WDR7: variants seen among roughly 807,000 people sequenced by gnomAD.
The protein encoded by WDR7 is WD repeat domain 7.
Under a neutral mutation model 169.4 loss-of-function variants are expected in WDR7, and 46 were observed. That is an observed-to-expected ratio of 0.27 (90% CI 0.21 to 0.35). The LOEUF is 0.35. Ranked by LOEUF, WDR7 falls within the 10% of genes least tolerant of loss-of-function variation. The pLI, the probability that WDR7 is intolerant of heterozygous loss-of-function variation, is 1.00. For synonymous variants in WDR7, 612 were observed against 666.8 expected, an observed-to-expected ratio of 0.92 and a Z score of 1.27; for missense variants, 1,534 against 1,859.3, an observed-to-expected ratio of 0.83 and a Z score of 3.22.
chr18:56,772,994 A>G (rs1259700255), intron 16 of WDR7, among the ~76,000 whole-genome samples: 1 of 152,200 alleles, frequency 6.6e-6, no homozygotes, highest in Non-Finnish European at 1.5e-5. Flanking sequence ...CCTGTATTCA[A>G]AATGAGCTTT....
intron 27 of WDR7, among the ~76,000 whole-genome samples, chr18:57,025,008 T>A (rs1031735401): frequency 5.3e-5 from 8 of 152,180 alleles, no homozygotes; most frequent in Non-Finnish European, 1.2e-4. Flanking sequence ...GCTCAGGTTA[T>A]AAGAGGAACC....
intron 19 of WDR7, among the ~76,000 whole-genome samples, chr18:56,804,943 G>A (rs145245920): frequency 1.3e-3 from 204 of 152,246 alleles, no homozygotes; most frequent in African/African-American, 4.6e-3. Context: ...GGCAGCAGAA[G>A]AGAAGTCTGT....
intron 21 of WDR7, among the ~76,000 whole-genome samples, chr18:56,903,419 T>G (rs1417059518): frequency 6.6e-6 from 1 of 151,950 alleles, no homozygotes; most frequent in African/African-American, 2.4e-5. Flanking sequence ...TATTATTTAT[T>G]TATTTATTTA....
In WDR7 at chr18:56,977,881, T is replaced by C. The variant is rs375304786; in HGVS notation, c.4164+15352T>C. Among the ~76,000 whole-genome samples, 28 of 152,314 alleles carry C rather than the reference T, an allele frequency of 1.8e-4. No individual in the cohort carries two copies. In the South Asian group the frequency reaches 5.6e-3, roughly 30 times the overall value. On this transcript the variant is annotated intron_variant, in intron 26 of 27. Coordinates refer to ENST00000254442, the MANE Select transcript of WDR7 (RefSeq NM_015285.3). Reference sequence around the variant, plus strand: ...AGTCTCTGGGTGAAAGTCCCAGCAATATGGCATTGTTACTGTGTTGCTGTA... The same window carrying C: ...AGTCTCTGGGTGAAAGTCCCAGCAACATGGCATTGTTACTGTGTTGCTGTA...
chr18:57,025,530 G>A (rs1014390505), intron 27 of WDR7, among the ~76,000 whole-genome samples: 8 of 152,192 alleles, frequency 5.3e-5, no homozygotes, highest in South Asian at 2.1e-4. Flanking sequence ...AACAGGAACC[G>A]AACTTTAACA....
intron 17 of WDR7, among the ~76,000 whole-genome samples, chr18:56,779,204 T>G (rs2044283003): frequency 6.6e-6 from 1 of 152,248 alleles, no homozygotes; most frequent in Non-Finnish European, 1.5e-5. Context: ...TATTTTTATT[T>G]CTTTTAAGAT....
chr18:56,982,903 G>T (rs188512617), intron 26 of WDR7, among the ~76,000 whole-genome samples: 240 of 152,288 alleles, frequency 1.6e-3, no homozygotes, highest in Non-Finnish European at 2.7e-3. Context: ...TAAAATCTAT[G>T]TCTGTCTTGG....
rs368931709 is a variant in WDR7, at chr18:56,747,694, G to T, written c.1990-8889G>T. ...GAGAGAGGCTTGACATTAGGAGGAC[G>T]GTGGGGAAGAACACCCCAGGCAAAG... On this transcript the variant is annotated intron_variant, in intron 14 of 27. Coordinates refer to ENST00000254442, the MANE Select transcript of WDR7 (RefSeq NM_015285.3). Among the ~76,000 whole-genome samples the T allele has an allele frequency of 2.0e-5, 3 of 152,160 alleles. No individual in the cohort carries two copies. The East Asian group carries it at 5.8e-4, about 29-fold the overall frequency.
intron 21 of WDR7, among the ~76,000 whole-genome samples, chr18:56,919,970 G>A (rs772576907): frequency 2.0e-5 from 3 of 151,962 alleles, no homozygotes; most frequent in Non-Finnish European, 4.4e-5. Flanking sequence ...ATTCCTTAGC[G>A]TGGCATATAA....
At position 56,858,457 on chromosome 18, in the gene WDR7, T is replaced by C. The variant is rs140905060; in HGVS notation, c.3305-21487T>C. ...CCCTATATTCTAAAACTATTTCACA[T>C]TCTTTTTTTTATTTTAAGATTTTTA... On this transcript the variant is annotated intron_variant, in intron 20 of 27. Coordinates refer to ENST00000254442, the MANE Select transcript of WDR7 (RefSeq NM_015285.3). Among the ~76,000 whole-genome samples, 1,439 of 152,230 alleles carry C rather than the reference T, an allele frequency of 9.5e-3. 31 individuals carry two copies. The highest frequency in any genetic ancestry group is 0.031 in the African/African-American group (1,282 of 41,516).
intron 25 of WDR7, among the ~76,000 whole-genome samples, chr18:56,959,283 C>A (rs748402780): frequency 5.3e-5 from 8 of 152,058 alleles, no homozygotes; most frequent in Non-Finnish European, 1.0e-4. Flanking sequence ...GGGCTGTGAA[C>A]AGAAGGGAGG....
chr18:56,882,350 C>G (rs1360761055), intron 21 of WDR7, among the ~76,000 whole-genome samples: 1 of 152,172 alleles, frequency 6.6e-6, no homozygotes, highest in African/African-American at 2.4e-5. Context: ...CTTTTTTGCT[C>G]AATAACTCCC....
At chr18:56,932,315 C>T (rs2046896960) in intron 22 of WDR7, among the ~76,000 whole-genome samples, 1 of 152,200 alleles carries the variant, frequency 6.6e-6, no homozygotes, top group Admixed American at 6.5e-5. Context: ...TTCCAGCTTC[C>T]ACTGAACTCA....
chr18:56,927,734 G>T (rs2046826974), intron 22 of WDR7, among the ~76,000 whole-genome samples: 1 of 152,048 alleles, frequency 6.6e-6, no homozygotes, highest in Non-Finnish European at 1.5e-5. Context: ...CAGATATTTT[G>T]CCAAATTTTA....
chr18:56,859,629 A>G (rs1027511459), intron 20 of WDR7, among the ~76,000 whole-genome samples: 2 of 152,170 alleles, frequency 1.3e-5, no homozygotes, highest in African/African-American at 2.4e-5. Flanking sequence ...CTTCCCACCC[A>G]TTTTGAATAA....
chr18:56,779,538 C>G lies in WDR7; in HGVS notation c.3055C>G (p.Arg1019Gly). 1.2e-6 allele frequency: 2 copies of G among 1,612,704 alleles called. No homozygotes were observed. The highest frequency in any genetic ancestry group is 1.7e-6 in the Non-Finnish European group (2 of 1,179,318). Residue 1019 changes from arginine (R) to glycine (G), a missense_variant, in exon 18 of 28, where the codon CGA (arginine) becomes GGA (glycine). By Grantham distance (125) the Arg-to-Gly change is moderately radical. Coordinates refer to ENST00000254442, the MANE Select transcript of WDR7 (RefSeq NM_015285.3). Reference sequence around the variant, plus strand: ...GATGCTGGCCCGAAGATGGCAAGATCGATGCTTGGAGGTAATGCTAAAGTG... The same window carrying G: ...GATGCTGGCCCGAAGATGGCAAGATGGATGCTTGGAGGTAATGCTAAAGTG... The part of the protein sequence containing the change: ...LEMLARRWQD[R>G]CLEVREAAQA...
In WDR7 at chr18:56,946,225, G is replaced by T. The variant is rs1205183263; in HGVS notation, c.4064+6832G>T. Among the ~76,000 whole-genome samples, 7 of 152,150 alleles carry T rather than the reference G, an allele frequency of 4.6e-5. No individual in the cohort carries two copies. In the South Asian group the frequency reaches 8.3e-4, roughly 18 times the overall value. On this transcript the variant is annotated intron_variant, in intron 25 of 27. Coordinates refer to ENST00000254442, the MANE Select transcript of WDR7 (RefSeq NM_015285.3). ...CCTAGGCTGTCTGTTCTCCTCCGGG[G>T]TTTCCTTGCCCATGTTCCTCTTCAG...
chr18:56,723,006 A>G (rs1390011311), intron 13 of WDR7, among the ~76,000 whole-genome samples: 1 of 152,122 alleles, frequency 6.6e-6, no homozygotes, highest in African/African-American at 2.4e-5. Flanking sequence ...ACCATAAACA[A>G]TATTAGTTCA....
downstream of WDR7, chr18:57,031,980 G>A (rs2048443684): frequency 6.6e-6 from 1 of 152,178 alleles, no homozygotes; most frequent in Non-Finnish European, 1.5e-5. Context: ...ATCTCTATGT[G>A]GACTCCACAA....
Sources: allele counts gnomAD v4.1 joint callset (sites outside exome capture counted in the v4.1 genomes callset), GRCh38; gene constraint gnomAD v4.1.1; transcripts MANE v1.5; gene names NCBI Gene and HGNC (gene_info 2026-07-23, HGNC 2026-07-21).